RXFP1: variants seen among roughly 807,000 people sequenced by gnomAD.
The protein encoded by RXFP1 is relaxin receptor 1.
A neutral mutation model predicts 89.8 loss-of-function variants in RXFP1; 73 were observed. The observed-to-expected ratio is 0.81, with a 90% CI of 0.67 to 0.99. The LOEUF (loss-of-function observed/expected upper bound fraction) is 0.99, where lower values mean the gene tolerates loss of function less well. Ranked by LOEUF, RXFP1 falls within the 50% of genes least tolerant of loss-of-function variation. The pLI is 0.00. For synonymous variants in RXFP1, 277 were observed against 305.5 expected (o/e 0.91, Z 0.97); for missense variants, 793 against 895.5 (o/e 0.89, Z 1.46).
intron 11 of RXFP1, 68 bp downstream of exon 11, chr4:158,628,777 T>A: frequency 2.5e-6 from 2 of 794,208 alleles, no homozygotes; most frequent in Non-Finnish European, 4.1e-6. Context: ...TGTACTTACA[T>A]GTGTTTATAC....
chr4:158,557,551 T>A (rs1297822438), intron 1 of RXFP1, among the ~76,000 whole-genome samples: 1 of 152,188 alleles, frequency 6.6e-6, no homozygotes, highest in East Asian at 1.9e-4. Flanking sequence ...AGGGCAGTAG[T>A]GCAGTTGTGA....
At chr4:158,577,325 A>G (rs1756461031) in intron 2 of RXFP1, among the ~76,000 whole-genome samples, 1 of 152,200 alleles carries the variant, frequency 6.6e-6, no homozygotes, top group Non-Finnish European at 1.5e-5. Flanking sequence ...GCATGAGCCC[A>G]CCGCACCTGA....
intron 2 of RXFP1, among the ~76,000 whole-genome samples, chr4:158,577,408 T>C (rs1460907662): frequency 1.3e-5 from 2 of 152,212 alleles, no homozygotes; most frequent in Non-Finnish European, 2.9e-5. Context: ...AGAAAGTTGC[T>C]TCTTTTCAGA....
intron 2 of RXFP1, among the ~76,000 whole-genome samples, chr4:158,581,636 G>A: frequency 6.6e-6 from 1 of 152,124 alleles, no homozygotes; most frequent in South Asian, 2.1e-4. Flanking sequence ...TTTCCATTTT[G>A]AGTGCTTTAT....
At chr4:158,549,439 C>CTT (rs1454421768) in intron 1 of RXFP1, among the ~76,000 whole-genome samples, 1 of 152,184 alleles carries the variant, frequency 6.6e-6, no homozygotes, top group Admixed American at 6.5e-5. Flanking sequence ...CTGAAGCCTT[C>CTT]TTCTCTCAGC....
At position 158,558,288 on chromosome 4, in the gene RXFP1, G is replaced by A. The variant is rs552465448; in HGVS notation, c.50-14410G>A. Among the ~76,000 whole-genome samples the A allele has an allele frequency of 4.6e-5, 7 of 152,242 alleles. No homozygotes were observed. In the South Asian group the frequency reaches 1.2e-3, roughly 27 times the overall value. The stretch of plus-strand genomic sequence containing the variant: ...TACATTTGCAAATGCACACACAGCC[G>A]GGAGGAACACAGAAACAGTGGCAGG... On this transcript the variant is annotated intron_variant, in intron 1 of 17. Coordinates refer to ENST00000307765, the MANE Select transcript of RXFP1 (RefSeq NM_021634.4).
chr4:158,542,632 A>G (rs913036223), intron 1 of RXFP1, among the ~76,000 whole-genome samples: 1 of 152,210 alleles, frequency 6.6e-6, no homozygotes, highest in African/African-American at 2.4e-5. Context: ...GTCTTCAAAC[A>G]AAAACATCAC....
At chr4:158,578,256 A>G (rs1756648562) in intron 2 of RXFP1, among the ~76,000 whole-genome samples, 1 of 152,210 alleles carries the variant, frequency 6.6e-6, no homozygotes, top group Non-Finnish European at 1.5e-5. Context: ...TCACTAAACC[A>G]TTCTTCATCT....
At chr4:158,643,023 G>T (rs1341122121) in intron 14 of RXFP1, among the ~76,000 whole-genome samples, 1 of 152,214 alleles carries the variant, frequency 6.6e-6, no homozygotes, top group Non-Finnish European at 1.5e-5. Flanking sequence ...ATGCGAAGAA[G>T]CTGGCTGCCC....
chr4:158,596,047 G>T (rs2150077283), intron 3 of RXFP1, among the ~76,000 whole-genome samples: 1 of 151,646 alleles, frequency 6.6e-6, no homozygotes, highest in South Asian at 2.1e-4. Context: ...GATTGAAGCT[G>T]CAGTGAGCTG....
intron 4 of RXFP1, among the ~76,000 whole-genome samples, 176 bp downstream of exon 4, chr4:158,599,607 C>A (rs1251354943): frequency 3.3e-5 from 5 of 152,078 alleles, no homozygotes; most frequent in African/African-American, 9.7e-5. Context: ...TGCTAGACCC[C>A]ACCTTAAATT....
At chr4:158,566,913 C>T (rs566190004) in intron 1 of RXFP1, among the ~76,000 whole-genome samples, 5 of 152,314 alleles carry the variant, frequency 3.3e-5, no homozygotes, top group African/African-American at 4.8e-5. Flanking sequence ...AGGCCAGAGC[C>T]GGCTCCCTCA....
At chr4:158,625,215 A>T (rs1326831334) in intron 9 of RXFP1, among the ~76,000 whole-genome samples, 1 of 152,142 alleles carries the variant, frequency 6.6e-6, no homozygotes, top group Non-Finnish European at 1.5e-5. Flanking sequence ...AAAAAGTAGC[A>T]CTATAAGTGA....
chr4:158,540,059 C>A (rs1036128411), intron 1 of RXFP1, among the ~76,000 whole-genome samples: 3 of 152,112 alleles, frequency 2.0e-5, no homozygotes, highest in Admixed American at 2.0e-4. Context: ...AACAACCTGG[C>A]AGGGGGTAGT....
intron 1 of RXFP1, among the ~76,000 whole-genome samples, chr4:158,566,822 G>A (rs550340916): frequency 1.8e-4 from 28 of 152,346 alleles, no homozygotes; most frequent in African/African-American, 6.7e-4. Flanking sequence ...GCACCCCCTC[G>A]CCTTGGCGCC....
intron 6 of RXFP1, 74 bp downstream of exon 6, chr4:158,608,117 C>G: frequency 1.0e-6 from 1 of 974,988 alleles, no homozygotes; most frequent in Non-Finnish European, 1.6e-6. Context: ...TCCAGACCAG[C>G]CTCCCTGTCC....
Position 158,626,909 on chromosome 4 carries a change from C to A in RXFP1, c.827+18C>A. 1.6e-6 allele frequency: 2 copies of A among 1,233,910 alleles called. No homozygotes were observed. Among genetic ancestry groups the A allele is most frequent in the Non-Finnish European group, 2.3e-6 (2 of 875,964 alleles). 76.4% of individuals were successfully genotyped at this position (1,233,910 alleles called of 1,614,324 possible). ...ACTGTTTTGTAAGTAATATGCTATGCTTTTGAAGTAATATTATCTTTTCTT... is the reference window on the plus strand; with the variant it reads ...ACTGTTTTGTAAGTAATATGCTATGATTTTGAAGTAATATTATCTTTTCTT... On this transcript the variant is annotated intron_variant, in intron 10 of 17. Coordinates refer to ENST00000307765, the MANE Select transcript of RXFP1 (RefSeq NM_021634.4).
Position 158,541,380 on chromosome 4 carries a change from A to ACACACACACG in RXFP1, c.49+19357_49+19358insCACACACGCA, listed in dbSNP as rs1248381072. On this transcript the variant is annotated intron_variant, in intron 1 of 17. Coordinates refer to ENST00000307765, the MANE Select transcript of RXFP1 (RefSeq NM_021634.4). ...CACACACACACACACACACACACAC[A>ACACACACACG]CAGTGTCCAGGGTAATTTCATATTT... Among the ~76,000 whole-genome samples the ACACACACACG allele has an allele frequency of 8.5e-3, 1,285 of 151,818 alleles. 19 individuals carry two copies. Among genetic ancestry groups the ACACACACACG allele is most frequent in the African/African-American group, 0.03 (1,228 of 41,378 alleles).
chr4:158,646,480 T>G (rs907887792), intron 15 of RXFP1: 5 of 1,245,454 alleles, frequency 4.0e-6, no homozygotes, highest in African/African-American at 3.1e-5. Context: ...TTTTGTTCAT[T>G]TATTCGACAC....
Sources: gnomAD v4.1 joint callset for allele counts (sites outside exome capture counted in the v4.1 genomes callset) on GRCh38, gnomAD v4.1.1 for gene constraint, MANE v1.5 for transcripts, NCBI Gene and HGNC (gene_info 2026-07-23, HGNC 2026-07-21) for gene names.